The following ZNF248 variants were observed in gnomAD, a reference collection of about 807,000 sequenced individuals.
The protein encoded by ZNF248 is KRAB protein domain.
In ZNF248, 20 loss-of-function variants were observed where a neutral mutation model predicts 44.3. That is an observed-to-expected ratio of 0.45 (90% CI 0.32 to 0.66). The LOEUF (loss-of-function observed/expected upper bound fraction) is 0.66. ZNF248 is among the 30% of genes least tolerant of loss of function. The probability of loss-of-function intolerance (pLI) is 0.04; values close to 1 mark genes in which losing one functional copy is unlikely to be tolerated. For synonymous variants in ZNF248, 224 were observed against 229.0 expected (o/e 0.98, Z 0.20); for missense variants, 654 against 677.0 (o/e 0.97, Z 0.38).
chr10:37,831,893 C>G lies in ZNF248; in HGVS notation c.1462G>C (p.Gly488Arg). The change falls in exon 6 of 6, where the codon GGG becomes CGG. Residue 488 changes from glycine to arginine, a missense_variant. By Grantham distance (125) the Gly-to-Arg change is moderately radical. Transcript: ENST00000395867. The stretch of plus-strand genomic sequence containing the variant: ...TCATTACATATAAACGGTTTCTCCC[C>G]TGTGTGTGTTCTCTGATGCACAGTG... Reference protein sequence around the residue: ...ALTVHQRTHTGEKPFICNECG... With the variant: ...ALTVHQRTHTREKPFICNECG... 4 of 1,613,790 alleles carry G rather than the reference C, an allele frequency of 2.5e-6. No individual in the cohort carries two copies. Among genetic ancestry groups the G allele is most frequent in the Non-Finnish European group, 3.4e-6 (4 of 1,179,868 alleles).
chr10:37,768,594 C>A, the ZNF248 span, among the ~76,000 whole-genome samples: 2 of 152,090 alleles, frequency 1.3e-5, no homozygotes, highest in Non-Finnish European at 2.9e-5. Context: ...ACACAACATA[C>A]CAGAAACTCT....
chr10:37,839,674 T>C (rs2057974830), intron 3 of ZNF248, among the ~76,000 whole-genome samples: 1 of 151,976 alleles, frequency 6.6e-6, no homozygotes, highest in African/African-American at 2.4e-5. Flanking sequence ...TCAAAATACA[T>C]AAGGCAAAAA....
the ZNF248 span, among the ~76,000 whole-genome samples, chr10:37,759,708 C>G: frequency 6.6e-6 from 1 of 152,328 alleles, no homozygotes; most frequent in African/African-American, 2.4e-5. Flanking sequence ...GTCAGACAAG[C>G]AAATACCGAG....
chr10:37,856,570 T>A, intron 1 of ZNF248, 38 bp from the exon 2 acceptor site: 1 of 1,170,052 alleles, frequency 8.5e-7, no homozygotes, highest in Non-Finnish European at 1.1e-6. Flanking sequence ...AAAAGATGAG[T>A]TTAACAAGTT....
intron 3 of ZNF248, among the ~76,000 whole-genome samples, chr10:37,852,898 T>C (rs185882293): frequency 0.011 from 1,682 of 152,168 alleles, 20 homozygotes; most frequent in Non-Finnish European, 0.013. Flanking sequence ...AGTCTCGCTC[T>C]GTTGCCAGGC....
chr10:37,846,678 A>C (rs2059371762), intron 3 of ZNF248, among the ~76,000 whole-genome samples: 1 of 152,142 alleles, frequency 6.6e-6, no homozygotes, highest in Non-Finnish European at 1.5e-5. Context: ...CGAGAGGACA[A>C]TGAGATGTTA....
chr10:37,822,213 G>A (rs1048089020), intron 6 of ZNF248, among the ~76,000 whole-genome samples: 8 of 152,168 alleles, frequency 5.3e-5, no homozygotes, highest in Non-Finnish European at 2.9e-5. Flanking sequence ...CAAAGGACAT[G>A]GTCTGGAGCG....
chr10:37,776,540 C>A (rs918538711), exon 7 of ZNF248: 2 of 398,368 alleles, frequency 5.0e-6, no homozygotes, highest in South Asian at 2.5e-4. Context: ...TCTTACTTCA[C>A]AAGAACTGCT....
In ZNF248 at chr10:37,832,602, G is replaced by A; in HGVS notation, c.753C>T (p.Phe251=). Reference sequence around the variant, plus strand: ...ATATATTCAGCTTTAAACTTTCAATGAAGGTTCTTCCACATTCGTTATATT... The same window carrying A: ...ATATATTCAGCTTTAAACTTTCAATAAAGGTTCTTCCACATTCGTTATATT... The part of the protein sequence containing the change: ...VCKYNECGRT[F]IESLKLNISQ... Residue 251 remains phenylalanine, a synonymous_variant, in exon 6 of 6, where the codon TTC becomes TTT. Coordinates refer to ENST00000395867, the MANE Select transcript of ZNF248 (RefSeq NM_021045.3). 1 of 1,613,526 alleles carries A rather than the reference G, an allele frequency of 6.2e-7. No individual in the cohort carries two copies. The highest frequency in any genetic ancestry group is 1.7e-5 in the Admixed American group (1 of 59,990).
intron 6 of ZNF248, among the ~76,000 whole-genome samples, chr10:37,790,848 A>G (rs1300314828): frequency 6.6e-6 from 1 of 150,574 alleles, no homozygotes; most frequent in Non-Finnish European, 1.5e-5. Context: ...TGAGGCCAGA[A>G]GGTCAAGGCT....
chr10:37,819,764 T>G, intron 6 of ZNF248: 2 of 781,640 alleles, frequency 2.6e-6, no homozygotes, highest in Non-Finnish European at 4.8e-6. Flanking sequence ...GGTCCTGCTT[T>G]TCCACTGTTT....
intron 6 of ZNF248, among the ~76,000 whole-genome samples, chr10:37,779,237 T>C (rs2046987399): frequency 6.6e-6 from 1 of 152,184 alleles, no homozygotes; most frequent in Admixed American, 6.6e-5. Context: ...ACCAACATCC[T>C]TGATGAACAT....
intron 6 of ZNF248, chr10:37,818,900 G>A (rs1198454671): frequency 8.3e-6 from 9 of 1,082,676 alleles, no homozygotes; most frequent in African/African-American, 1.6e-5. Context: ...CCTCCAGAAA[G>A]ACACTGATAG....
At position 37,857,394 on chromosome 10, in the gene ZNF248, C is replaced by G. The variant is rs1590087437; in HGVS notation, c.-335G>C. 3 of 152,436 alleles carry G rather than the reference C, an allele frequency of 2.0e-5. No individual in the cohort carries two copies. Among genetic ancestry groups the G allele is most frequent in the South Asian group, 4.1e-4 (2 of 4,832 alleles). The allele number at this position is 152,436 out of a possible 1,614,324, so 9.4% of individuals were successfully genotyped here. A position where few individuals can be genotyped will look rare whatever the true frequency, so the allele number is the denominator to read the frequency against. The stretch of plus-strand genomic sequence containing the variant: ...CCTGCACTCCACGGGCAGAGAGGCC[C>G]TTGGGGCCGGTGCAGGAGCCGTCTC... On this transcript the variant is annotated 5_prime_UTR_variant, in exon 1 of 6. Transcript: ENST00000395867.
At chr10:37,762,629 G>A in the ZNF248 span, among the ~76,000 whole-genome samples, 11 of 152,192 alleles carry the variant, frequency 7.2e-5, no homozygotes, top group Admixed American at 6.5e-4. Context: ...AGTATTTATA[G>A]CATTTTATAA....
intron 6 of ZNF248, among the ~76,000 whole-genome samples, chr10:37,822,154 G>T (rs1391926019): frequency 6.6e-6 from 1 of 152,142 alleles, no homozygotes. Context: ...TAATAAGTTG[G>T]TGCTGCTCAA....
chr10:37,841,523 A>T (rs1211397346), intron 3 of ZNF248, among the ~76,000 whole-genome samples: 1 of 152,206 alleles, frequency 6.6e-6, no homozygotes, highest in Non-Finnish European at 1.5e-5. Flanking sequence ...TACTAATATA[A>T]ATAAATGCTT....
At position 37,830,176 on chromosome 10, in the gene ZNF248, G is replaced by C. The variant is rs1462186940; in HGVS notation, c.*1439C>G. On this transcript the variant is annotated 3_prime_UTR_variant, in exon 6 of 6. Coordinates refer to ENST00000395867, the MANE Select transcript of ZNF248 (RefSeq NM_021045.3). Reference sequence around the variant, plus strand: ...ATTACATACCGCCACTTTTTGAGGAGTGCAGTGTTACTGCTTGTTAACCTT... The same window carrying C: ...ATTACATACCGCCACTTTTTGAGGACTGCAGTGTTACTGCTTGTTAACCTT... The C allele has an allele frequency of 2.0e-6, 2 of 985,260 alleles. No individual in the cohort carries two copies. Among genetic ancestry groups the C allele is most frequent in the Admixed American group, 1.2e-4 (2 of 16,252 alleles). The allele number at this position is 985,260 out of a possible 1,614,324, so 61.0% of individuals were successfully genotyped here.
At chr10:37,816,064 T>G (rs1011412324) in intron 6 of ZNF248, among the ~76,000 whole-genome samples, 1 of 151,920 alleles carries the variant, frequency 6.6e-6, no homozygotes, top group Non-Finnish European at 1.5e-5. Context: ...CTCAGGAATT[T>G]ACTTCATCTA....
Sources: gnomAD v4.1 joint callset for allele counts (sites outside exome capture counted in the v4.1 genomes callset) on GRCh38, gnomAD v4.1.1 for gene constraint, MANE v1.5 for transcripts, NCBI Gene and HGNC (gene_info 2026-07-23, HGNC 2026-07-21) for gene names.